Variants in MAML3 observed in about 807,000 individuals in gnomAD.
The protein encoded by MAML3 is mastermind-like protein 3.
In MAML3, 27 loss-of-function variants were observed where a neutral mutation model predicts 101.9. The ratio of observed to expected loss-of-function variants is 0.27; its 90% CI spans 0.20 to 0.37. The LOEUF is 0.37. Among genes scored for constraint, MAML3 ranks in the 10% least tolerant of loss-of-function variants. The pLI, the probability that MAML3 is intolerant of heterozygous loss-of-function variation, is 1.00. For missense variants in MAML3, 1,316 were observed against 1,444.9 expected, an observed-to-expected ratio of 0.91 and a Z score of 1.45; for synonymous variants, 501 against 555.9, an observed-to-expected ratio of 0.90 and a Z score of 1.39.
intron 1 of MAML3, among the ~76,000 whole-genome samples, chr4:139,969,976 C>T (rs1190967441): frequency 2.6e-5 from 4 of 152,336 alleles, no homozygotes; most frequent in African/African-American, 9.6e-5. Flanking sequence ...CTGCCACTAA[C>T]ATCTGACCTT....
chr4:139,935,117 A>AC (rs904902708), intron 1 of MAML3, among the ~76,000 whole-genome samples: 1 of 147,132 alleles, frequency 6.8e-6, no homozygotes, highest in Non-Finnish European at 1.5e-5. Context: ...ACTGCCTATC[A>AC]CCCCCCTTCC....
At chr4:140,145,482 G>A (rs997564260) in intron 1 of MAML3, among the ~76,000 whole-genome samples, 1 of 152,166 alleles carries the variant, frequency 6.6e-6, no homozygotes, top group Non-Finnish European at 1.5e-5. Context: ...ATAATTAAAA[G>A]GTGCCTAAAT....
In MAML3 at chr4:139,889,695, G is replaced by A. The variant is rs1194802169; in HGVS notation, c.1741C>T (p.Gln581Ter). The change falls in exon 2 of 5, where the codon CAG (glutamine) becomes TAG (stop). Residue 581 changes from glutamine (Q) to a stop codon, truncating the protein, a stop_gained. Transcript: ENST00000509479. LOFTEE classifies it high-confidence loss of function. ...GAGTTTGTACCCAAGTTATTTGGCT[G>A]CTGATTGATCATATTCATGTGATTC... is the stretch of plus-strand genomic sequence containing the variant. ...PQNHMNMINQ[Q>*]PNNLGTNSLN... 1 of 1,614,030 alleles carries A rather than the reference G, an allele frequency of 6.2e-7. No individual in the cohort carries two copies. The highest frequency in any genetic ancestry group is 8.5e-7 in the Non-Finnish European group (1 of 1,179,906).
At chr4:140,131,683 C>T (rs552450455) in intron 1 of MAML3, among the ~76,000 whole-genome samples, 8 of 152,206 alleles carry the variant, frequency 5.3e-5, no homozygotes, top group Admixed American at 3.3e-4. Context: ...TAGCTCTCCC[C>T]TCCATGGCCC....
At chr4:139,818,705 T>C (rs1730928807) in intron 2 of MAML3, among the ~76,000 whole-genome samples, 1 of 152,218 alleles carries the variant, frequency 6.6e-6, no homozygotes, top group African/African-American at 2.4e-5. Context: ...CTTCCTTGTG[T>C]TGGGATGATC....
chr4:139,793,272 A>C (rs1213002861), intron 2 of MAML3, among the ~76,000 whole-genome samples: 2 of 152,126 alleles, frequency 1.3e-5, no homozygotes, highest in African/African-American at 4.8e-5. Context: ...AGACCTGAAC[A>C]CTCAGTGTGA....
At chr4:139,985,513 A>G (rs796747530) in intron 1 of MAML3, among the ~76,000 whole-genome samples, 8 of 152,346 alleles carry the variant, frequency 5.3e-5, no homozygotes, top group African/African-American at 1.7e-4. Context: ...GTGCAAATTT[A>G]TTTCCTTGAG....
At chr4:139,950,135 G>T (rs1303401739) in intron 1 of MAML3, among the ~76,000 whole-genome samples, 1 of 152,146 alleles carries the variant, frequency 6.6e-6, no homozygotes, top group East Asian at 1.9e-4. Flanking sequence ...CCGCCTCCCA[G>T]GTTCAAGCAA....
intron 2 of MAML3, among the ~76,000 whole-genome samples, chr4:139,808,255 T>G (rs1730734688): frequency 1.3e-5 from 2 of 152,262 alleles, no homozygotes; most frequent in Admixed American, 1.3e-4. Context: ...CCATTCATTC[T>G]TCAAACAACT....
chr4:139,924,099 C>G (rs1360383462), intron 1 of MAML3, among the ~76,000 whole-genome samples: 1 of 152,098 alleles, frequency 6.6e-6, no homozygotes, highest in African/African-American at 2.4e-5. Context: ...AAAGTGATAC[C>G]AACGCCAAAC....
chr4:139,880,512 A>G (rs795980), intron 2 of MAML3, among the ~76,000 whole-genome samples: 46,690 of 151,952 alleles, frequency 0.31, 7,678 homozygotes, highest in East Asian at 0.6. Flanking sequence ...TCATGAACCT[A>G]AACTGTTTTC....
At chr4:139,922,656 C>T (rs111629116) in intron 1 of MAML3, among the ~76,000 whole-genome samples, 1 of 152,200 alleles carries the variant, frequency 6.6e-6, no homozygotes, top group African/African-American at 2.4e-5. Flanking sequence ...TTTTACTTCT[C>T]CTTCTTTTTC....
intron 1 of MAML3, among the ~76,000 whole-genome samples, chr4:140,043,150 A>G (rs543459499): frequency 6.6e-6 from 1 of 152,270 alleles, no homozygotes; most frequent in African/African-American, 2.4e-5. Context: ...TGACCTGCAT[A>G]TTTTATGAAT....
intron 2 of MAML3, among the ~76,000 whole-genome samples, chr4:139,760,215 T>A: frequency 6.6e-6 from 1 of 152,216 alleles, no homozygotes; most frequent in East Asian, 1.9e-4. Context: ...GATACAATGA[T>A]ACAAACCTGA....
chr4:139,967,469 GACACACACACACACACACACAC>G (rs4057112), intron 1 of MAML3, among the ~76,000 whole-genome samples: 1 of 141,464 alleles, frequency 7.1e-6, no homozygotes, highest in Non-Finnish European at 1.5e-5. Context: ...CTTTTTAAGG[GACACACACACACACACACACAC>G]ACACACACAC....
intron 1 of MAML3, among the ~76,000 whole-genome samples, chr4:139,981,624 A>G (rs1734446004): frequency 6.6e-6 from 1 of 152,088 alleles, no homozygotes. Flanking sequence ...ACCTAATGTC[A>G]CTTTTGTGTT....
At chr4:139,804,788 A>G (rs1730675524) in intron 2 of MAML3, among the ~76,000 whole-genome samples, 1 of 152,254 alleles carries the variant, frequency 6.6e-6, no homozygotes, top group Non-Finnish European at 1.5e-5. Context: ...GGAAATCAAA[A>G]GAAAAGTTTT....
chr4:139,828,811 T>C (rs1256003386), intron 2 of MAML3, among the ~76,000 whole-genome samples: 3 of 150,520 alleles, frequency 2.0e-5, no homozygotes, highest in African/African-American at 7.3e-5. Flanking sequence ...ACTTCAAGGG[T>C]TGGTTAGGAA....
rs376859644 is a variant in MAML3 at position 139,987,785 on chromosome 4, C to T, written c.469-96818G>A. The stretch of plus-strand genomic sequence containing the variant: ...CTGTAATCCCAGCACTTTGGAAGGC[C>T]GAGGCAGGTGGATCACCTGAGGTCA... On this transcript the variant is annotated intron_variant, in intron 1 of 4. Coordinates refer to ENST00000509479, the MANE Select transcript of MAML3 (RefSeq NM_018717.5). 3.3e-3 allele frequency among the ~76,000 whole-genome samples: 502 copies of T among 152,016 alleles called. 4 individuals are homozygous for T. The highest frequency in any genetic ancestry group is 0.011 in the African/African-American group (473 of 41,454).
Sources: gnomAD v4.1 joint callset for allele counts (sites outside exome capture counted in the v4.1 genomes callset) on GRCh38, gnomAD v4.1.1 for gene constraint, MANE v1.5 for transcripts, NCBI Gene and HGNC (gene_info 2026-07-23, HGNC 2026-07-21) for gene names.